SEL1L2: variants seen among roughly 807,000 people sequenced by gnomAD.
The protein encoded by SEL1L2 is SEL1L2 adaptor subunit of SYVN1 ubiquitin ligase.
SEL1L2 carries 89 observed loss-of-function variants against 98.8 expected under a neutral mutation model. The observed-to-expected ratio is 0.90, with a 90% CI of 0.76 to 1.07. The LOEUF (loss-of-function observed/expected upper bound fraction) is 1.07. Among genes scored for constraint, SEL1L2 ranks in the 50% least tolerant of loss-of-function variants. The probability of loss-of-function intolerance (pLI) is 0.00; values close to 1 mark genes in which losing one functional copy is unlikely to be tolerated. For synonymous variants in SEL1L2, 262 were observed against 278.5 expected (o/e 0.94, Z 0.59); for missense variants, 788 against 812.0 (o/e 0.97, Z 0.36).
intron 19 of SEL1L2, 21 bp from the exon 20 acceptor site, chr20:13,849,625 C>T: frequency 6.2e-7 from 1 of 1,611,772 alleles, no homozygotes; most frequent in Non-Finnish European, 8.5e-7. Context: ...GAGACATTCT[C>T]TCAAAAACAA....
chr20:13,976,406 G>A (rs1026426291), intron 1 of SEL1L2, among the ~76,000 whole-genome samples: 4 of 152,082 alleles, frequency 2.6e-5, no homozygotes, highest in Admixed American at 1.3e-4. Flanking sequence ...GATTTATGGC[G>A]GTGATGGGGA....
intron 2 of SEL1L2, among the ~76,000 whole-genome samples, chr20:13,938,989 GT>G (rs2049591069): frequency 7.6e-6 from 1 of 131,990 alleles, no homozygotes; most frequent in Non-Finnish European, 1.6e-5. Context: ...AACATCATTT[GT>G]TTTATTGAAA....
chr20:13,898,124 A>G (rs990525666), intron 5 of SEL1L2, among the ~76,000 whole-genome samples: 1 of 152,162 alleles, frequency 6.6e-6, no homozygotes, highest in African/African-American at 2.4e-5. Context: ...CAGCAATTCT[A>G]CTTCTGGGTA....
intron 17 of SEL1L2, among the ~76,000 whole-genome samples, chr20:13,862,451 G>T (rs1026066657): frequency 3.3e-5 from 5 of 152,140 alleles, no homozygotes; most frequent in Non-Finnish European, 7.4e-5. Context: ...AAGAGGAAGT[G>T]CCCTGTATGA....
chr20:13,928,184 C>T (rs182577160), intron 3 of SEL1L2: 4 of 152,352 alleles, frequency 2.6e-5, no homozygotes, highest in African/African-American at 9.6e-5. Context: ...CTCACATCTG[C>T]TGTTTTCATA....
At position 13,939,035 on chromosome 20, in the gene SEL1L2, G is replaced by GTTTTTTTTTTTTTTTTTT. The variant is rs779584914; in HGVS notation, c.115-7265_115-7264insAAAAAAAAAAAAAAAAAA. Among the ~76,000 whole-genome samples, 189 of 31,346 alleles carry GTTTTTTTTTTTTTTTTTT rather than the reference G, an allele frequency of 6.0e-3. 11 individuals are homozygous for GTTTTTTTTTTTTTTTTTT. The highest frequency in any genetic ancestry group is 8.7e-3 in the African/African-American group (81 of 9,284). The allele number at this position is 31,346 out of a possible 152,430, so 20.6% of individuals were successfully genotyped here. A position where few individuals can be genotyped will look rare whatever the true frequency, so the allele number is the denominator to read the frequency against. ...TTTTTTCTTTTTGGTTTGTTTGCTTGTTTTGTTTTTTTTTTTTTTTTTTTC... is the reference window on the plus strand; with the variant it reads ...TTTTTTCTTTTTGGTTTGTTTGCTTGTTTTTTTTTTTTTTTTTTTTTTGTTTTTTTTTTTTTTTTTTTC... On this transcript the variant is annotated intron_variant, in intron 2 of 19. Coordinates refer to ENST00000284951, the MANE Select transcript of SEL1L2 (RefSeq NM_025229.2).
intron 2 of SEL1L2, among the ~76,000 whole-genome samples, chr20:13,943,864 T>C (rs2049891936): frequency 6.6e-6 from 1 of 152,038 alleles, no homozygotes; most frequent in South Asian, 2.1e-4. Context: ...GGACTTAGAA[T>C]GGGGGTGTGC....
chr20:13,856,768 T>C (rs1002271095), intron 18 of SEL1L2, among the ~76,000 whole-genome samples: 2 of 152,246 alleles, frequency 1.3e-5, no homozygotes, highest in Non-Finnish European at 2.9e-5. Context: ...GTCTTAAATG[T>C]CTGCATGTTT....
At chr20:13,995,322 CT>C (rs1959920899), upstream of SEL1L2, 1 of 266,074 alleles carries the variant, frequency 3.8e-6, no homozygotes, top group East Asian at 1.5e-4. The surrounding 1 kb of genome is among the most constrained non-coding windows in gnomAD (Gnocchi z 4.3). Flanking sequence ...GCTCCGCCCC[CT>C]CCAGCTCCCT....
chr20:13,897,572 C>T (rs138981469), intron 5 of SEL1L2, among the ~76,000 whole-genome samples: 11 of 152,256 alleles, frequency 7.2e-5, no homozygotes, highest in African/African-American at 2.4e-4. Flanking sequence ...CCAAGTACCC[C>T]AATTTTTAAA....
intron 15 of SEL1L2, among the ~76,000 whole-genome samples, chr20:13,865,910 C>A (rs1011013196): frequency 9.9e-5 from 15 of 151,648 alleles, no homozygotes; most frequent in African/African-American, 3.6e-4. Context: ...AGTTATAAGG[C>A]CACAGCTGAT....
chr20:13,863,119 A>G (rs1045820304), intron 17 of SEL1L2, among the ~76,000 whole-genome samples: 1 of 152,164 alleles, frequency 6.6e-6, no homozygotes, highest in South Asian at 2.1e-4. Context: ...AAGAGGCCCA[A>G]GGGAGTCTGA....
At chr20:13,877,671 T>C (rs773871457) in intron 10 of SEL1L2, 83 bp from the exon 11 acceptor site, 12 of 1,061,104 alleles carry the variant, frequency 1.1e-5, no homozygotes, top group Non-Finnish European at 1.7e-5. Context: ...TTATTCAATA[T>C]GCATTCAAAA....
intron 2 of SEL1L2, among the ~76,000 whole-genome samples, chr20:13,941,045 T>C (rs2049752803): frequency 6.6e-6 from 1 of 152,222 alleles, no homozygotes; most frequent in African/African-American, 2.4e-5. Context: ...AGTTTAACAG[T>C]ACTGACTCCG....
chr20:13,891,210 T>C (rs1269725482), intron 5 of SEL1L2, among the ~76,000 whole-genome samples: 1 of 151,988 alleles, frequency 6.6e-6, no homozygotes, highest in Non-Finnish European at 1.5e-5. Flanking sequence ...CCAAGACACA[T>C]TACAATCAAG....
chr20:13,975,746 A>C (rs991380164), intron 1 of SEL1L2, among the ~76,000 whole-genome samples: 1 of 152,236 alleles, frequency 6.6e-6, no homozygotes, highest in African/African-American at 2.4e-5. Flanking sequence ...TCACGTAGTT[A>C]GCAATCTGCT....
intron 2 of SEL1L2, 40 bp from the exon 3 acceptor site, chr20:13,931,811 G>A: frequency 7.0e-7 from 1 of 1,422,746 alleles, no homozygotes. Flanking sequence ...GTTCATGTGT[G>A]AGTTTTTTTC....
intron 1 of SEL1L2, among the ~76,000 whole-genome samples, chr20:13,965,369 CAGTA>C (rs1406031838): frequency 3.9e-5 from 6 of 152,076 alleles, no homozygotes; most frequent in Non-Finnish European, 5.9e-5. Flanking sequence ...AGTGTGCAGA[CAGTA>C]AGTACCAGAA....
chr20:13,972,393 T>G (rs1024818634), intron 1 of SEL1L2, among the ~76,000 whole-genome samples: 2 of 152,196 alleles, frequency 1.3e-5, no homozygotes, highest in Non-Finnish European at 2.9e-5. Flanking sequence ...CTGTTGCTAC[T>G]GTGAAAAGGA....
Sources: gnomAD v4.1 joint callset for allele counts (sites outside exome capture counted in the v4.1 genomes callset) on GRCh38, gnomAD v4.1.1 for gene constraint, Gnocchi (gnomAD v3.1) non-coding constraint, MANE v1.5 for transcripts, NCBI Gene and HGNC (gene_info 2026-07-23, HGNC 2026-07-21) for gene names.